AGAP1: variants seen among roughly 807,000 people sequenced by gnomAD.
The protein encoded by AGAP1 is ArfGAP with GTPase domain, ankyrin repeat and PH domain 1, also known as arf-GAP with GTPase, ANK repeat and PH domain-containing protein 1.
A neutral mutation model predicts 105.3 loss-of-function variants in AGAP1; 29 were observed. The observed-to-expected ratio is 0.28, with a 90% confidence interval of 0.21 to 0.38. The LOEUF (loss-of-function observed/expected upper bound fraction) is 0.38, where lower values mean the gene tolerates loss of function less well. AGAP1 is among the 10% of genes least tolerant of loss of function. The pLI is 1.00. For missense variants in AGAP1, 998 were observed against 1,165.1 expected, an observed-to-expected ratio of 0.86 and a Z score of 2.09; for synonymous variants, 509 against 485.9, an observed-to-expected ratio of 1.05 and a Z score of -0.63.
intron 1 of AGAP1, among the ~76,000 whole-genome samples, chr2:235,627,552 T>C (rs1946683673): frequency 6.6e-6 from 1 of 152,120 alleles, no homozygotes. Flanking sequence ...TTGGGCATGC[T>C]GATCCCCCAG....
intron 4 of AGAP1, among the ~76,000 whole-genome samples, chr2:235,742,345 G>T (rs917031221): frequency 6.6e-6 from 1 of 152,152 alleles, no homozygotes; most frequent in South Asian, 2.1e-4. Context: ...ACCAGTATTC[G>T]AAAGAAGGAT....
chr2:235,755,209 T>C (rs116438128), intron 6 of AGAP1, among the ~76,000 whole-genome samples: 3,193 of 152,300 alleles, frequency 0.021, 97 homozygotes, highest in African/African-American at 0.066. Flanking sequence ...AGCGGCTCTG[T>C]GCCTGTCAGA....
At chr2:236,031,716 T>C (rs2057229879) in intron 13 of AGAP1, among the ~76,000 whole-genome samples, 1 of 152,038 alleles carries the variant, frequency 6.6e-6, no homozygotes, top group Admixed American at 6.6e-5. Context: ...TTGCAGGGTC[T>C]CCATCATTTT....
chr2:236,068,790 T>C (rs1241542053), intron 16 of AGAP1, among the ~76,000 whole-genome samples: 1 of 77,526 alleles, frequency 1.3e-5, no homozygotes, highest in African/African-American at 5.6e-5. Flanking sequence ...ACAGCGAGAC[T>C]CCGTCTCAAA....
chr2:236,113,606 C>T lies in AGAP1; in HGVS notation c.2115-6586C>T, dbSNP rs755630518. On this transcript the variant is annotated intron_variant, in intron 16 of 17. Transcript: ENST00000304032. This position sits in a 1 kb window ranked among gnomAD's most constrained non-coding sequence, Gnocchi z 4.3. ...TTTGGCATGGCAGGCACTAAGTATG[C>T]GGGTAGCAGGTGGGGAGTGTCCAAG... Among the ~76,000 whole-genome samples the T allele has an allele frequency of 4.6e-5, 7 of 152,120 alleles. No individual in the cohort carries two copies. Among genetic ancestry groups the T allele is most frequent in the African/African-American group, 9.7e-5 (4 of 41,424 alleles).
In AGAP1 at chr2:236,087,329, G is replaced by A. The variant is rs2125857208; in HGVS notation, c.2115-32863G>A. ...AGCCCGGGGTGGGGGCGGGAGCGGGGGCTAGCTGTGGGTGTTCATTGAAAG... is the reference window on the plus strand; with the variant it reads ...AGCCCGGGGTGGGGGCGGGAGCGGGAGCTAGCTGTGGGTGTTCATTGAAAG... On this transcript the variant is annotated intron_variant, in intron 16 of 17. Transcript: ENST00000304032. The surrounding 1 kb of genome is among the most constrained non-coding windows in gnomAD (Gnocchi z 5.7). Among the ~76,000 whole-genome samples the A allele has an allele frequency of 6.6e-6, 1 of 152,230 alleles. No homozygotes were observed. Among genetic ancestry groups the A allele is most frequent in the Non-Finnish European group, 1.5e-5 (1 of 68,000 alleles).
intron 10 of AGAP1, among the ~76,000 whole-genome samples, chr2:235,890,229 C>A (rs971515087): frequency 6.7e-6 from 1 of 148,780 alleles, no homozygotes; most frequent in African/African-American, 2.5e-5. Context: ...GGCACGATCT[C>A]AGCTCACTGC....
Position 235,494,228 on chromosome 2 carries a change from A to C in AGAP1, c.-459A>C, listed in dbSNP as rs979944276. 2 of 144,372 alleles carry C rather than the reference A, an allele frequency of 1.4e-5. No homozygotes were observed. The highest frequency in any genetic ancestry group is 4.2e-4 in the South Asian group (2 of 4,736). The allele number at this position is 144,372 out of a possible 1,614,324, so 8.9% of individuals were successfully genotyped here. A position where few individuals can be genotyped will look rare whatever the true frequency, so the allele number is the denominator to read the frequency against. The stretch of plus-strand genomic sequence containing the variant: ...CAGCGCGCGGACCCACGCCACGGCC[A>C]GGAGCCCAGAGCAGCGCGGCCACAC... On this transcript the variant is annotated 5_prime_UTR_variant, in exon 1 of 18. Transcript: ENST00000304032.
chr2:235,748,418 T>C (rs926762947), intron 5 of AGAP1, among the ~76,000 whole-genome samples: 1 of 152,006 alleles, frequency 6.6e-6, no homozygotes, highest in East Asian at 1.9e-4. Flanking sequence ...GAAATGTTTA[T>C]ACTTAAAAAA....
At chr2:235,628,519 A>G (rs1946715301) in intron 1 of AGAP1, among the ~76,000 whole-genome samples, 1 of 152,118 alleles carries the variant, frequency 6.6e-6, no homozygotes, top group South Asian at 2.1e-4. Context: ...AGCAGGTGGA[A>G]GTGCCCGGTT....
rs979996783 is a variant in AGAP1 at position 236,051,475 on chromosome 2, C to CCCAGGG, written c.2114+2207_2114+2212dup. Among the ~76,000 whole-genome samples the CCCAGGG allele has an allele frequency of 2.6e-5, 4 of 151,894 alleles. No homozygotes were observed. The South Asian group carries it at 6.3e-4, about 24-fold the overall frequency. On this transcript the variant is annotated intron_variant, in intron 16 of 17. Coordinates refer to ENST00000304032, the MANE Select transcript of AGAP1 (RefSeq NM_001037131.3). This position sits in a 1 kb window ranked among gnomAD's most constrained non-coding sequence, Gnocchi z 5.9. ...CTGGACTCTGAAATAGGGGGTGATT[C>CCCAGGG]CCAGGGCCAGGGCCAGGGGACCAGG...
At chr2:235,698,183 C>G (rs1469619566) in intron 1 of AGAP1, among the ~76,000 whole-genome samples, 1 of 151,986 alleles carries the variant, frequency 6.6e-6, no homozygotes, top group Non-Finnish European at 1.5e-5. Context: ...TCCTGTGAGA[C>G]TCTAATGCCG....
At chr2:235,932,718 A>C (rs2052780040) in intron 12 of AGAP1, among the ~76,000 whole-genome samples, 2 of 152,198 alleles carry the variant, frequency 1.3e-5, no homozygotes, top group South Asian at 4.1e-4. Flanking sequence ...GTTTGATAAA[A>C]ACTCACTAGG....
chr2:235,856,537 A>G (rs2048693021), intron 9 of AGAP1, among the ~76,000 whole-genome samples: 1 of 152,180 alleles, frequency 6.6e-6, no homozygotes, highest in South Asian at 2.1e-4. Flanking sequence ...CCAGCAGTAG[A>G]CTCAAACCGA....
chr2:236,017,150 G>A (rs1173903041), intron 13 of AGAP1, among the ~76,000 whole-genome samples: 3 of 151,720 alleles, frequency 2.0e-5, no homozygotes, highest in Non-Finnish European at 2.9e-5. Flanking sequence ...AAAATTACCC[G>A]AGCATAGTGG....
At chr2:235,933,390 C>T (rs760186148) in intron 12 of AGAP1, among the ~76,000 whole-genome samples, 3 of 152,074 alleles carry the variant, frequency 2.0e-5, no homozygotes, top group Non-Finnish European at 4.4e-5. Flanking sequence ...GTTGAGAGCC[C>T]AGCACTGCCA....
Position 235,631,263 on chromosome 2 carries a change from G to T in AGAP1, c.164-77916G>T. ...GCTGTCAGATCCCAGGGTAACAAAA[G>T]GGTGGTGTCCCCTAAAGGCTTGGAA... On this transcript the variant is annotated intron_variant, in intron 1 of 17. Coordinates refer to ENST00000304032, the MANE Select transcript of AGAP1 (RefSeq NM_001037131.3). The surrounding 1 kb of genome is among the most constrained non-coding windows in gnomAD (Gnocchi z 5.4). Among the ~76,000 whole-genome samples the T allele has an allele frequency of 6.6e-6, 1 of 152,190 alleles. No homozygotes were observed. Among genetic ancestry groups the T allele is most frequent in the East Asian group, 1.9e-4 (1 of 5,186 alleles).
intron 1 of AGAP1, among the ~76,000 whole-genome samples, chr2:235,666,695 G>T (rs1325242075): frequency 6.6e-6 from 1 of 150,468 alleles, no homozygotes; most frequent in Non-Finnish European, 1.5e-5. Context: ...CAAAACCTGG[G>T]ATGGATTCTC....
At chr2:236,008,986 C>T (rs2056417731) in intron 13 of AGAP1, among the ~76,000 whole-genome samples, 1 of 152,154 alleles carries the variant, frequency 6.6e-6, no homozygotes. Flanking sequence ...CCTTACTGAA[C>T]ACGTGTCCTA....
Sources: allele counts gnomAD v4.1 joint callset (sites outside exome capture counted in the v4.1 genomes callset), GRCh38; gene constraint gnomAD v4.1.1; non-coding constraint Gnocchi (gnomAD v3.1); transcripts MANE v1.5; gene names NCBI Gene and HGNC (gene_info 2026-07-23, HGNC 2026-07-21).